CNTNAP2: variants seen among roughly 807,000 people sequenced by gnomAD.
CNTNAP2 encodes contactin associated protein 2, also known as contactin-associated protein-like 2.
In CNTNAP2, 98 loss-of-function variants were observed where a neutral mutation model predicts 155.2. The observed-to-expected ratio is 0.63, with a 90% CI of 0.54 to 0.75. The LOEUF (loss-of-function observed/expected upper bound fraction) is 0.75, where lower values mean the gene tolerates loss of function less well. Among genes scored for constraint, CNTNAP2 ranks in the 30% least tolerant of loss-of-function variants. The pLI, the probability that CNTNAP2 is intolerant of heterozygous loss-of-function variation, is 0.00. For missense variants in CNTNAP2, 1,727 were observed against 1,688.1 expected, an observed-to-expected ratio of 1.02 and a Z score of -0.40; for synonymous variants, 651 against 631.2, an observed-to-expected ratio of 1.03 and a Z score of -0.47.
intron 11 of CNTNAP2, among the ~76,000 whole-genome samples, chr7:147,512,441 A>G (rs533237458): frequency 2.6e-5 from 4 of 152,330 alleles, no homozygotes; most frequent in African/African-American, 9.6e-5. Context: ...TTTTAGTTAG[A>G]TGATCTACAG....
chr7:148,099,140 C>T (rs780677585), intron 15 of CNTNAP2, among the ~76,000 whole-genome samples: 9 of 152,098 alleles, frequency 5.9e-5, no homozygotes, highest in Non-Finnish European at 1.3e-4. Flanking sequence ...AAAATAGAAC[C>T]GAGTGTTCAC....
At chr7:147,050,436 T>C (rs778418557) in intron 4 of CNTNAP2, among the ~76,000 whole-genome samples, 144 of 152,252 alleles carry the variant, frequency 9.5e-4, no homozygotes, top group Non-Finnish European at 1.7e-3. Context: ...AACTAATTTT[T>C]ATATAGGCTT....
At chr7:148,389,614 C>G (rs1799300974) in intron 22 of CNTNAP2, 1 of 152,330 alleles carries the variant, frequency 6.6e-6, no homozygotes, top group East Asian at 1.9e-4. Flanking sequence ...TCCAAGAACC[C>G]TCTCTTGGGG....
At chr7:148,406,014 C>T (rs1000646141) in intron 22 of CNTNAP2, among the ~76,000 whole-genome samples, 1 of 152,022 alleles carries the variant, frequency 6.6e-6, no homozygotes, top group Non-Finnish European at 1.5e-5. Context: ...CGGCAGATCA[C>T]GAGGTCAGGA....
At chr7:147,542,556 G>T (rs1181297026) in intron 11 of CNTNAP2, among the ~76,000 whole-genome samples, 5 of 152,124 alleles carry the variant, frequency 3.3e-5, no homozygotes, top group Admixed American at 6.5e-5. Context: ...TTTGTGTAGG[G>T]CATATATGTT....
chr7:148,274,663 A>G (rs558474879), intron 21 of CNTNAP2, among the ~76,000 whole-genome samples: 7 of 152,298 alleles, frequency 4.6e-5, no homozygotes, highest in African/African-American at 1.7e-4. Flanking sequence ...CATAATCATA[A>G]GCTTCCTGAG....
In CNTNAP2 at chr7:148,416,675, A is replaced by G. The variant is rs1062071; in HGVS notation, c.*1059A>G. 4 of 152,680 alleles carry G rather than the reference A, an allele frequency of 2.6e-5. No individual in the cohort carries two copies. Among genetic ancestry groups the G allele is most frequent in the Admixed American group, 2.6e-4 (4 of 15,294 alleles). The allele number at this position is 152,680 out of a possible 1,614,324, so 9.5% of individuals were successfully genotyped here. Reference sequence around the variant, plus strand: ...ACAGTGTCCTGTAAATGGACACAACACAATAAAGTCAAGTTATTATTGCTG... The same window carrying G: ...ACAGTGTCCTGTAAATGGACACAACGCAATAAAGTCAAGTTATTATTGCTG... On this transcript the variant is annotated 3_prime_UTR_variant, in exon 24 of 24. Coordinates refer to ENST00000361727, the MANE Select transcript of CNTNAP2 (RefSeq NM_014141.6).
At position 147,140,751 on chromosome 7, in the gene CNTNAP2, C is replaced by T. The variant is rs146060990; in HGVS notation, c.1348+8242C>T. On this transcript the variant is annotated intron_variant, in intron 8 of 23. Transcript: ENST00000361727. The stretch of plus-strand genomic sequence containing the variant: ...AACCCCATGGCCAAGATCCTAGGAT[C>T]GAGAGACCTGCATCTGTAATGCTGT... 2.6e-3 allele frequency among the ~76,000 whole-genome samples: 399 copies of T among 152,164 alleles called. 3 individuals are homozygous for T. Among genetic ancestry groups the T allele is most frequent in the African/African-American group, 8.9e-3 (371 of 41,510 alleles).
chr7:148,227,838 A>G (rs1288480056), intron 19 of CNTNAP2, among the ~76,000 whole-genome samples: 1 of 151,940 alleles, frequency 6.6e-6, no homozygotes, highest in African/African-American at 2.4e-5. Flanking sequence ...AAATCCAGGA[A>G]CATGGCAAGT....
chr7:147,064,915 C>T (rs964619828), intron 4 of CNTNAP2, among the ~76,000 whole-genome samples: 31 of 152,114 alleles, frequency 2.0e-4, no homozygotes, highest in African/African-American at 7.2e-4. Flanking sequence ...GCTCAAATTC[C>T]TTATGAAATA....
intron 13 of CNTNAP2, among the ~76,000 whole-genome samples, chr7:147,649,045 T>C (rs1375338273): frequency 6.6e-6 from 1 of 152,180 alleles, no homozygotes; most frequent in Non-Finnish European, 1.5e-5. Flanking sequence ...AAATGCTATT[T>C]ACCAAGTGAC....
intron 21 of CNTNAP2, among the ~76,000 whole-genome samples, chr7:148,302,426 C>T (rs1170670093): frequency 6.6e-6 from 1 of 152,200 alleles, no homozygotes; most frequent in African/African-American, 2.4e-5. Context: ...GTGCCTCCTT[C>T]TCCCTTGCCC....
chr7:146,249,237 G>A (rs1488295734), intron 1 of CNTNAP2, among the ~76,000 whole-genome samples: 2 of 152,166 alleles, frequency 1.3e-5, no homozygotes, highest in Non-Finnish European at 2.9e-5. Flanking sequence ...TAAGTGTTCA[G>A]TAAATGTAAT....
At chr7:146,882,694 A>C (rs1312473259) in intron 3 of CNTNAP2, among the ~76,000 whole-genome samples, 1 of 152,042 alleles carries the variant, frequency 6.6e-6, no homozygotes, top group Non-Finnish European at 1.5e-5. Flanking sequence ...AGACTAATAT[A>C]CTCAGTAATG....
At chr7:148,074,859 A>G (rs982787168) in intron 15 of CNTNAP2, among the ~76,000 whole-genome samples, 1 of 152,206 alleles carries the variant, frequency 6.6e-6, no homozygotes, top group African/African-American at 2.4e-5. Context: ...TGATGTCTCA[A>G]AGGCAGAGAA....
intron 12 of CNTNAP2, among the ~76,000 whole-genome samples, chr7:147,564,774 A>T (rs1012284684): frequency 5.9e-5 from 9 of 152,310 alleles, no homozygotes; most frequent in South Asian, 4.1e-4. Context: ...GCATGGCTGC[A>T]ATTTAACTCA....
chr7:146,312,232 G>A (rs1800836917), intron 1 of CNTNAP2, among the ~76,000 whole-genome samples: 1 of 152,144 alleles, frequency 6.6e-6, no homozygotes, highest in Non-Finnish European at 1.5e-5. Context: ...TACTGCTAAA[G>A]ATCTATATAA....
chr7:148,363,898 T>C (rs1311660952), intron 21 of CNTNAP2, among the ~76,000 whole-genome samples: 1 of 151,158 alleles, frequency 6.6e-6, no homozygotes, highest in Non-Finnish European at 1.5e-5. Context: ...GGCCCCACAC[T>C]CTGAGCAGCC....
chr7:146,175,165 T>C (rs1798452180), intron 1 of CNTNAP2, among the ~76,000 whole-genome samples: 1 of 152,110 alleles, frequency 6.6e-6, no homozygotes, highest in Admixed American at 6.5e-5. Context: ...TCAGTAGTAA[T>C]AATGGTAATG....
Sources: gnomAD v4.1 joint callset for allele counts (sites outside exome capture counted in the v4.1 genomes callset) on GRCh38, gnomAD v4.1.1 for gene constraint, MANE v1.5 for transcripts, NCBI Gene and HGNC (gene_info 2026-07-23, HGNC 2026-07-21) for gene names.